The following DNMBP variants were observed in gnomAD, a reference collection of about 807,000 sequenced individuals.
The protein encoded by DNMBP is dynamin binding protein, also known as dynamin-binding protein.
Under a neutral mutation model 150.0 loss-of-function variants are expected in DNMBP, and 87 were observed. The ratio of observed to expected loss-of-function variants is 0.58; its 90% CI spans 0.49 to 0.69. DNMBP has a LOEUF of 0.69. Among genes scored for constraint, DNMBP ranks in the 30% least tolerant of loss-of-function variants. The pLI, the probability that DNMBP is intolerant of heterozygous loss-of-function variation, is 0.00. For synonymous variants in DNMBP, 711 were observed against 750.4 expected (o/e 0.95, Z 0.86); for missense variants, 1,774 against 1,949.0 (o/e 0.91, Z 1.69).
chr10:99,977,781 T>G (rs887832071), intron 1 of DNMBP, among the ~76,000 whole-genome samples: 2 of 152,154 alleles, frequency 1.3e-5, no homozygotes, highest in Non-Finnish European at 2.9e-5. Context: ...TTTTAAAAAT[T>G]TTTTTCCAAT....
At position 99,955,357 on chromosome 10, in the gene DNMBP, T is replaced by A; in HGVS notation, c.2117A>T (p.Asp706Val). 1 of 1,614,158 alleles carries A rather than the reference T, an allele frequency of 6.2e-7. No individual in the cohort carries two copies. The highest frequency in any genetic ancestry group is 8.5e-7 in the Non-Finnish European group (1 of 1,180,030). The change falls in exon 4 of 17, where the codon GAT (aspartate) becomes GTT (valine). Residue 706 changes from aspartate to valine, a missense_variant. Asp to Val is a radical substitution (Grantham distance 152, BLOSUM62 -3). Around this residue, in one of 2 missense-constraint regions of DNMBP, gnomAD observed 1,430 missense variants for 1,492.5 expected, o/e 0.96. Coordinates refer to ENST00000324109, the MANE Select transcript of DNMBP (RefSeq NM_015221.4). ...CTCTTCTTGAGCTCTACTGTACATA[T>A]CCAAGTCCCGCTCCATTTCCTCAAT... ...VRIEEMERDLDMYSRAQEELN... is the reference protein window; with the variant it reads ...VRIEEMERDLVMYSRAQEELN...
rs1420040868 is a variant in DNMBP at position 99,956,020 on chromosome 10, G to A, written c.1454C>T (p.Ser485Leu). The A allele has an allele frequency of 2.5e-6, 4 of 1,614,196 alleles. No individual in the cohort carries two copies. The highest frequency in any genetic ancestry group is 3.3e-5 in the Admixed American group (2 of 60,020). ...VLPLYRGSSV[S>L]ASRVVKPRQS... is the part of the protein sequence containing the mutation. ...TCTGGGTTTGACTACCCTTGAAGCT[G>A]AAACAGAAGAGCCCCTGTAAAGAGG... The change falls in exon 4 of 17, where the codon TCA (serine) becomes TTA (leucine). Residue 485 changes from serine to leucine, a missense_variant. By Grantham distance (145) the Ser-to-Leu change is moderately radical (BLOSUM62 -2). This residue lies in a region of DNMBP where 1,430 missense variants were observed against 1,492.5 expected (regional missense o/e 0.96). Coordinates refer to ENST00000324109, the MANE Select transcript of DNMBP (RefSeq NM_015221.4).
intron 11 of DNMBP, among the ~76,000 whole-genome samples, chr10:99,891,878 G>C (rs58351265): frequency 0.048 from 7,169 of 150,188 alleles, 213 homozygotes; most frequent in Middle Eastern, 0.19. Context: ...CCGTCTGGGA[G>C]GTGAGGAGCG....
chr10:100,005,344 A>T (rs1026584830), intron 1 of DNMBP, among the ~76,000 whole-genome samples: 2 of 152,232 alleles, frequency 1.3e-5, no homozygotes, highest in African/African-American at 4.8e-5. Context: ...TTGAGTAACC[A>T]CTCACTACAC....
intron 4 of DNMBP, among the ~76,000 whole-genome samples, chr10:99,920,639 A>G (rs2040013126): frequency 6.6e-6 from 1 of 152,130 alleles, no homozygotes; most frequent in Non-Finnish European, 1.5e-5. Context: ...GTGTGTAACA[A>G]AGGGGTTGGG....
At chr10:99,971,000 G>GAAAAAAAAAAAAAAAAAAAAAAA (rs1554871865) in intron 2 of DNMBP, among the ~76,000 whole-genome samples, 1 of 111,960 alleles carries the variant, frequency 8.9e-6, no homozygotes, top group Non-Finnish European at 2.0e-5. Flanking sequence ...AAAAAAAAAG[G>GAAAAAAAAAAAAAAAAAAAAAAA]AAAGCAGTAG....
intron 1 of DNMBP, among the ~76,000 whole-genome samples, chr10:99,976,216 G>C (rs1382042096): frequency 6.6e-6 from 1 of 152,174 alleles, no homozygotes; most frequent in African/African-American, 2.4e-5. Context: ...AGCATCATCA[G>C]AGAATGTGCT....
chr10:99,892,106 G>A lies in DNMBP; in HGVS notation c.3156+2840C>T, dbSNP rs1834296912. 1.4e-5 allele frequency among the ~76,000 whole-genome samples: 2 copies of A among 138,480 alleles called. 1 individual carries two copies. The highest frequency in any genetic ancestry group is 3.0e-5 in the Non-Finnish European group (2 of 65,782). 90.8% of individuals were successfully genotyped at this position (138,480 alleles called of 152,430 possible). ...TGGGAGGTGAGGGGCGCCTCTGCCC[G>A]GCCGCCCCTACTGGGACGTGAAGAG... is the stretch of plus-strand genomic sequence containing the variant. On this transcript the variant is annotated intron_variant, in intron 11 of 16. Transcript: ENST00000324109.
At chr10:99,999,848 C>A (rs930813132) in intron 1 of DNMBP, among the ~76,000 whole-genome samples, 2 of 152,072 alleles carry the variant, frequency 1.3e-5, no homozygotes, top group Non-Finnish European at 2.9e-5. Context: ...ACTTGAGGGC[C>A]AGGCAGGCAG....
chr10:99,891,955 G>A (rs1368398847), intron 11 of DNMBP, among the ~76,000 whole-genome samples: 6 of 148,046 alleles, frequency 4.1e-5, no homozygotes, highest in South Asian at 4.3e-4. Flanking sequence ...CGCCCCGTCC[G>A]GGAGGTGAGG....
chr10:99,889,039 G>A lies in DNMBP; in HGVS notation c.3157-86C>T. 3 of 1,458,730 alleles carry A rather than the reference G, an allele frequency of 2.1e-6. No homozygotes were observed. The South Asian group carries it at 4.1e-5, about 20-fold the overall frequency. 90.4% of individuals were successfully genotyped at this position (1,458,730 alleles called of 1,614,324 possible). ...CATTCCAAGACTGAATAGCAGTCTT[G>A]GAAAAATGAGTTCCATAATTTGAAA... On this transcript the variant is annotated intron_variant, in intron 11 of 16. Coordinates refer to ENST00000324109, the MANE Select transcript of DNMBP (RefSeq NM_015221.4).
At chr10:99,883,979 A>G in intron 15 of DNMBP, 32 bp downstream of exon 15, 3 of 1,573,058 alleles carry the variant, frequency 1.9e-6, no homozygotes, top group Non-Finnish European at 2.6e-6. Flanking sequence ...TTTTTTTTCC[A>G]GTTACAGTCC....
At chr10:99,926,107 G>A (rs1260492295) in intron 4 of DNMBP, among the ~76,000 whole-genome samples, 1 of 152,088 alleles carries the variant, frequency 6.6e-6, no homozygotes. Flanking sequence ...TGCAAAACAG[G>A]TAACGTGGAA....
At chr10:99,969,267 T>G in intron 2 of DNMBP, 30 bp from the exon 3 acceptor site, 4 of 1,612,408 alleles carry the variant, frequency 2.5e-6, no homozygotes, top group Non-Finnish European at 3.4e-6. Context: ...TATTAAATTT[T>G]AATACTGAGA....
At chr10:99,945,159 C>T (rs577659716) in intron 4 of DNMBP, among the ~76,000 whole-genome samples, 2 of 152,152 alleles carry the variant, frequency 1.3e-5, no homozygotes, top group South Asian at 4.1e-4. Context: ...ATTTATATGT[C>T]TTTCTAAATC....
In DNMBP at chr10:99,930,641, T is replaced by TC. The variant is rs1205880581; in HGVS notation, c.2261-21496dup. ...GATCCAAGTCATTTTCTCTGTAGAG[T>TC]CCATCCAGCACTGTAAGGTTCCTTT... is the stretch of plus-strand genomic sequence containing the variant. On this transcript the variant is annotated intron_variant, in intron 4 of 16. Coordinates refer to ENST00000324109, the MANE Select transcript of DNMBP (RefSeq NM_015221.4). 6 of 702,988 alleles carry TC rather than the reference T, an allele frequency of 8.5e-6. No individual in the cohort carries two copies. The Admixed American group carries it at 1.2e-4, about 14-fold the overall frequency. 43.5% of individuals were successfully genotyped at this position (702,988 alleles called of 1,614,324 possible). A position where few individuals can be genotyped will look rare whatever the true frequency, so the allele number is the denominator to read the frequency against.
intron 4 of DNMBP, chr10:99,914,042 A>G: frequency 6.7e-7 from 1 of 1,498,716 alleles, no homozygotes; most frequent in Non-Finnish European, 8.9e-7. Flanking sequence ...GGAATGCTCC[A>G]CAACCCCCCA....
In DNMBP at chr10:99,888,948, G is replaced by A. The variant is rs141530740; in HGVS notation, c.3162C>T (p.Ser1054=). The A allele has an allele frequency of 1.1e-5, 18 of 1,613,850 alleles. No individual in the cohort carries two copies. Among genetic ancestry groups the A allele is most frequent in the South Asian group, 5.5e-5 (5 of 91,054 alleles). The stretch of plus-strand genomic sequence containing the variant: ...CAGCAGCCACCACTTTCACACATGC[G>A]GACTCCTGGAGCCAGTTAGGACAGA... ...LSLYLQHIRE[S]ACVKVVAAVS... Residue 1054 remains serine, a synonymous_variant, in exon 12 of 17, where the codon TCC becomes TCT. Coordinates refer to ENST00000324109, the MANE Select transcript of DNMBP (RefSeq NM_015221.4).
In DNMBP at chr10:99,877,224, C is replaced by T; in HGVS notation, c.4661G>A (p.Trp1554Ter). The T allele has an allele frequency of 6.2e-7, 1 of 1,614,006 alleles. No individual in the cohort carries two copies. The highest frequency in any genetic ancestry group is 8.5e-7 in the Non-Finnish European group (1 of 1,179,990). The change falls in exon 17 of 17, where the codon TGG becomes TAG. Residue 1554 changes from tryptophan (W) to a stop codon, truncating the protein, a stop_gained. Transcript: ENST00000324109. LOFTEE classifies it high-confidence loss of function. ...CTTCCCGTTAACCTCAGCTAACCAC[C>T]ACTCTGTATTTCCTGTAACATCTTT... ...EFKDVTGNTE[W>*]WLAEVNGKKG...
Sources: allele counts gnomAD v4.1 joint callset (sites outside exome capture counted in the v4.1 genomes callset), GRCh38; gene constraint gnomAD v4.1.1; regional missense constraint gnomAD v4.1.1; transcripts MANE v1.5; gene names NCBI Gene and HGNC (gene_info 2026-07-23, HGNC 2026-07-21).